RGL1: variants seen among roughly 807,000 people sequenced by gnomAD.
The protein encoded by RGL1 is ral guanine nucleotide dissociation stimulator like 1, also known as ral guanine nucleotide dissociation stimulator-like 1.
In RGL1, 24 loss-of-function variants were observed where a neutral mutation model predicts 95.2. The ratio of observed to expected loss-of-function variants is 0.25; its 90% CI spans 0.18 to 0.35. The LOEUF (loss-of-function observed/expected upper bound fraction) is 0.35. Ranked by LOEUF, RGL1 falls within the 10% of genes least tolerant of loss-of-function variation. RGL1 has a pLI of 1.00. For synonymous variants in RGL1, 329 were observed against 344.9 expected, an observed-to-expected ratio of 0.95 and a Z score of 0.51; for missense variants, 715 against 936.3, an observed-to-expected ratio of 0.76 and a Z score of 3.08.
chr1:183,853,327 T>C (rs1664942105), intron 3 of RGL1, among the ~76,000 whole-genome samples: 1 of 151,702 alleles, frequency 6.6e-6, no homozygotes, highest in Non-Finnish European at 1.5e-5. Flanking sequence ...AGACCCTGTC[T>C]AAAAGAAAAA....
At chr1:183,666,185 A>G (rs1022360054) in intron 1 of RGL1, among the ~76,000 whole-genome samples, 3 of 151,788 alleles carry the variant, frequency 2.0e-5, no homozygotes. Context: ...TTGTATTTTT[A>G]GTAGAGACAG....
At chr1:183,868,863 C>T (rs560743128) in intron 4 of RGL1, among the ~76,000 whole-genome samples, 1 of 152,318 alleles carries the variant, frequency 6.6e-6, no homozygotes, top group South Asian at 2.1e-4. Flanking sequence ...TGCCTGTAAT[C>T]CCAACACTTT....
In RGL1 at chr1:183,921,057, C is replaced by A. The variant is rs1669284796; in HGVS notation, c.2005-1165C>A. On this transcript the variant is annotated intron_variant, in intron 16 of 17. Transcript: ENST00000360851. The stretch of plus-strand genomic sequence containing the variant: ...TTTAAGTAAGAATAATCTGAGTTTT[C>A]ATTCACTTCTTTCAAACTTAAAGAA... Among the ~76,000 whole-genome samples, 6 of 152,330 alleles carry A rather than the reference C, an allele frequency of 3.9e-5. No individual in the cohort carries two copies. The South Asian group carries it at 1.0e-3, about 26-fold the overall frequency.
intron 2 of RGL1, among the ~76,000 whole-genome samples, chr1:183,748,078 A>G (rs572249077): frequency 9.5e-4 from 145 of 152,314 alleles, no homozygotes; most frequent in African/African-American, 3.4e-3. Flanking sequence ...GTATGTGTCC[A>G]GGAATTTCTT....
intron 2 of RGL1, among the ~76,000 whole-genome samples, chr1:183,780,918 C>T (rs1390527837): frequency 6.6e-6 from 1 of 152,196 alleles, no homozygotes; most frequent in Non-Finnish European, 1.5e-5. Flanking sequence ...ATGGAGCCAC[C>T]AGCAGCTCCT....
chr1:183,840,502 T>TG (rs1663976453), intron 2 of RGL1, among the ~76,000 whole-genome samples: 1 of 152,074 alleles, frequency 6.6e-6, no homozygotes, highest in African/African-American at 2.4e-5. Context: ...TTTTCATGAC[T>TG]TTTTTAATGC....
Position 183,679,414 on chromosome 1 carries a change from G to A in RGL1, c.-33+42913G>A, listed in dbSNP as rs1572265301. Reference sequence around the variant, plus strand: ...CCCCCCACCCCCGACAGGCCCCCGTGTGTGATGTTCCCCTCCCTGTGTCCA... The same window carrying A: ...CCCCCCACCCCCGACAGGCCCCCGTATGTGATGTTCCCCTCCCTGTGTCCA... On this transcript the variant is annotated intron_variant, in intron 1 of 18. Coordinates refer to the RGL1 transcript ENST00000304685. 8.5e-5 allele frequency among the ~76,000 whole-genome samples: 12 copies of A among 141,196 alleles called. No homozygotes were observed. The South Asian group carries it at 2.7e-3, about 32-fold the overall frequency. 92.6% of individuals were successfully genotyped at this position (141,196 alleles called of 152,430 possible). A position where few individuals can be genotyped will look rare whatever the true frequency, so the allele number is the denominator to read the frequency against.
At chr1:183,670,956 G>A (rs200955352) in intron 1 of RGL1, among the ~76,000 whole-genome samples, 1 of 152,160 alleles carries the variant, frequency 6.6e-6, no homozygotes, top group African/African-American at 2.4e-5. Context: ...AATTTATAAA[G>A]GAAAGAGGTT....
chr1:183,770,808 C>G (rs1003287359), intron 2 of RGL1, among the ~76,000 whole-genome samples: 4 of 152,102 alleles, frequency 2.6e-5, no homozygotes, highest in African/African-American at 9.7e-5. Flanking sequence ...GAGAAAGGAA[C>G]CCAGATCAGA....
chr1:183,865,781 T>C (rs1665791538), intron 3 of RGL1, among the ~76,000 whole-genome samples: 1 of 152,246 alleles, frequency 6.6e-6, no homozygotes, highest in Non-Finnish European at 1.5e-5. Flanking sequence ...AGTAGTGTGA[T>C]TAGTTGTTAA....
intron 1 of RGL1, among the ~76,000 whole-genome samples, chr1:183,688,478 C>G (rs1264650405): frequency 6.7e-6 from 1 of 148,874 alleles, no homozygotes; most frequent in Non-Finnish European, 1.5e-5. Context: ...GAGAGAGAGA[C>G]AGCAAGGACT....
intron 13 of RGL1, among the ~76,000 whole-genome samples, chr1:183,906,782 C>T (rs908176005): frequency 7.3e-6 from 1 of 136,716 alleles, no homozygotes; most frequent in African/African-American, 2.7e-5. Context: ...AACTAAATAG[C>T]CTCAATCCAT....
intron 1 of RGL1, among the ~76,000 whole-genome samples, chr1:183,638,846 G>A (rs961050120): frequency 6.6e-6 from 1 of 152,186 alleles, no homozygotes; most frequent in Non-Finnish European, 1.5e-5. Context: ...CTGTGATGAT[G>A]CAAACAGCCA....
intron 3 of RGL1, among the ~76,000 whole-genome samples, chr1:183,856,673 AAAG>A (rs1055274316): frequency 6.6e-6 from 1 of 150,588 alleles, no homozygotes; most frequent in African/African-American, 2.4e-5. Flanking sequence ...TTTTTTAAAA[AAAG>A]GTAGATTGCT....
intron 7 of RGL1, among the ~76,000 whole-genome samples, chr1:183,887,188 C>CTTTCTTTGTT (rs1558272538): frequency 9.3e-3 from 6 of 648 alleles, no homozygotes; most frequent in Non-Finnish European, 0.014. Flanking sequence ...TCCTCCCTCC[C>CTTTCTTTGTT]TCCCTCCTTC....
intron 1 of RGL1, among the ~76,000 whole-genome samples, chr1:183,729,624 G>A (rs1352599406): frequency 6.6e-6 from 1 of 152,150 alleles, no homozygotes; most frequent in African/African-American, 2.4e-5. Context: ...CTACTCTTAG[G>A]TGTTTATCCA....
chr1:183,830,905 T>A (rs906699580), intron 2 of RGL1, among the ~76,000 whole-genome samples: 11 of 152,206 alleles, frequency 7.2e-5, no homozygotes, highest in Non-Finnish European at 1.6e-4. Context: ...TTCGCATGCA[T>A]TGAATTCAGA....
At chr1:183,888,055 A>G (rs1377313573) in intron 7 of RGL1, among the ~76,000 whole-genome samples, 1 of 152,176 alleles carries the variant, frequency 6.6e-6, no homozygotes, top group Admixed American at 6.5e-5. Flanking sequence ...GTTCAATACC[A>G]TCTGACCTCA....
At chr1:183,781,251 C>T (rs898862084) in intron 2 of RGL1, among the ~76,000 whole-genome samples, 1 of 152,116 alleles carries the variant, frequency 6.6e-6, no homozygotes, top group East Asian at 1.9e-4. Context: ...TCCTAACACA[C>T]ACAGTAAACA....
Sources: gnomAD v4.1 joint callset for allele counts (sites outside exome capture counted in the v4.1 genomes callset) on GRCh38, gnomAD v4.1.1 for gene constraint, MANE v1.5 for transcripts, NCBI Gene and HGNC (gene_info 2026-07-23, HGNC 2026-07-21) for gene names.